The following MMP14 variants were observed in gnomAD, a reference collection of about 807,000 sequenced individuals.
MMP14 encodes matrix metallopeptidase 14.
Under a neutral mutation model 64.8 loss-of-function variants are expected in MMP14, and 13 were observed. The observed-to-expected ratio is 0.20, with a 90% CI of 0.13 to 0.32. The LOEUF is 0.32. Ranked by LOEUF, MMP14 falls within the 10% of genes least tolerant of loss-of-function variation. The pLI is 1.00. For synonymous variants in MMP14, 322 were observed against 315.9 expected (o/e 1.02, Z -0.20); for missense variants, 594 against 783.8 (o/e 0.76, Z 2.89).
At chr14:22,836,949 C>T (rs1264128470) in intron 1 of MMP14, 24 bp downstream of exon 1, 3 of 1,593,096 alleles carry the variant, frequency 1.9e-6, no homozygotes, top group Admixed American at 1.7e-5. Context: ...CCGGCCCTTC[C>T]CGGAGTCGCG....
intron 1 of MMP14, among the ~76,000 whole-genome samples, chr14:22,838,577 G>A (rs17885048): frequency 1.3e-5 from 2 of 152,174 alleles, no homozygotes; most frequent in Non-Finnish European, 2.9e-5. Flanking sequence ...TCTCTCATTC[G>A]CAAAGACAAA....
At position 22,844,636 on chromosome 14, in the gene MMP14, A is replaced by G; in HGVS notation, c.1157A>G (p.Lys386Arg). 6.2e-7 allele frequency: 1 copy of G among 1,614,078 alleles called. No individual in the cohort carries two copies. The highest frequency in any genetic ancestry group is 8.5e-7 in the Non-Finnish European group (1 of 1,180,006). ...DGKFVFFKGDKHWVFDEASLE... is the reference protein window; with the variant it reads ...DGKFVFFKGDRHWVFDEASLE... ...GCCCTCCTGTCCTCCCCAGGAGACA[A>G]GCATTGGGTGTTTGATGAGGCGTCC... Residue 386 changes from lysine to arginine, a missense_variant, in exon 8 of 10, where the codon AAG becomes AGG. Transcript: ENST00000311852.
intron 1 of MMP14, among the ~76,000 whole-genome samples, chr14:22,838,898 G>C (rs2138735862): frequency 6.6e-6 from 1 of 152,280 alleles, no homozygotes; most frequent in South Asian, 2.1e-4. Flanking sequence ...AGGCCTTGCG[G>C]CTCTCTTGAC....
intron 1 of MMP14, 39 bp downstream of exon 1, chr14:22,836,964 C>A (rs1357538116): frequency 1.3e-6 from 2 of 1,545,980 alleles, no homozygotes; most frequent in Admixed American, 1.7e-5. Flanking sequence ...GTCGCGCCCG[C>A]CGGGAGGCGA....
intron 6 of MMP14, 71 bp from the exon 7 acceptor site, chr14:22,844,300 G>A: frequency 6.3e-7 from 1 of 1,591,064 alleles, no homozygotes; most frequent in Non-Finnish European, 8.6e-7. Flanking sequence ...CAGTGCGGGA[G>A]CTTTGGGGAC....
rs2039775794 is a variant in MMP14, at chr14:22,841,922, G to A, written c.267G>A (p.Arg89=). The part of the protein sequence containing the change: ...KADADTMKAM[R]RPRCGVPDKF... Reference sequence around the variant, plus strand: ...CCCAAACCCACTCCAGGGCCATGAGGCGCCCCCGATGTGGTGTTCCAGACA... The same window carrying A: ...CCCAAACCCACTCCAGGGCCATGAGACGCCCCCGATGTGGTGTTCCAGACA... Residue 89 remains arginine, a synonymous_variant, in exon 3 of 10, where the codon AGG becomes AGA. Coordinates refer to ENST00000311852, the MANE Select transcript of MMP14 (RefSeq NM_004995.4). The A allele has an allele frequency of 6.2e-7, 1 of 1,614,170 alleles. No homozygotes were observed. The highest frequency in any genetic ancestry group is 8.5e-7 in the Non-Finnish European group (1 of 1,180,020).
intron 1 of MMP14, among the ~76,000 whole-genome samples, chr14:22,838,869 A>AT (rs1370450344): frequency 6.6e-6 from 1 of 152,214 alleles, no homozygotes; most frequent in Admixed American, 6.5e-5. Flanking sequence ...GAGGAGAGGG[A>AT]TGGGGGCACT....
chr14:22,843,952 T>G lies in MMP14; in HGVS notation c.1011+82T>G. The G allele has an allele frequency of 6.5e-7, 1 of 1,545,970 alleles. No homozygotes were observed. Among genetic ancestry groups the G allele is most frequent in the Non-Finnish European group, 8.7e-7 (1 of 1,145,062 alleles). ...GGCTCATGCCTGTAATCCTAGCACT[T>G]TGAGAGGCCAAGGCAGGTGGATCAC... On this transcript the variant is annotated intron_variant, in intron 6 of 9. Coordinates refer to ENST00000311852, the MANE Select transcript of MMP14 (RefSeq NM_004995.4). This position sits in a 1 kb window ranked among gnomAD's most constrained non-coding sequence, Gnocchi z 4.8.
chr14:22,844,069 C>T (rs891968350), intron 6 of MMP14, among the ~76,000 whole-genome samples, 199 bp downstream of exon 6: 18 of 151,974 alleles, frequency 1.2e-4, no homozygotes, highest in African/African-American at 4.4e-4. Context: ...TGGTGGTGGG[C>T]GCCTATGATC....
Position 22,836,733 on chromosome 14 carries a change from G to A in MMP14, c.-85G>A, listed in dbSNP as rs1190861298. On this transcript the variant is annotated 5_prime_UTR_variant, in exon 1 of 10. Coordinates refer to ENST00000311852, the MANE Select transcript of MMP14 (RefSeq NM_004995.4). ...TTCAGTGCCTACCGAAGACAAAGGC[G>A]CCCCGAGGGAGTGGCGGTGCGACCC... The A allele has an allele frequency of 5.5e-6, 4 of 725,506 alleles. No homozygotes were observed. The African/African-American group carries it at 7.3e-5, about 13-fold the overall frequency. The allele number at this position is 725,506 out of a possible 1,614,324, so 44.9% of individuals were successfully genotyped here.
chr14:22,845,181 C>T lies in MMP14; in HGVS notation c.1302-70C>T, dbSNP rs746337065. The T allele has an allele frequency of 6.7e-5, 77 of 1,143,746 alleles. No individual in the cohort carries two copies. In the African/African-American group the frequency reaches 7.5e-4, roughly 11 times the overall value. The allele number at this position is 1,143,746 out of a possible 1,614,324, so 70.8% of individuals were successfully genotyped here. A position where few individuals can be genotyped will look rare whatever the true frequency, so the allele number is the denominator to read the frequency against. On this transcript the variant is annotated intron_variant, in intron 8 of 9. Coordinates refer to ENST00000311852, the MANE Select transcript of MMP14 (RefSeq NM_004995.4). ...GCTATCCTTTGCCCACTGGTGGATT[C>T]GGTCCGGGTCTTGCGCCTCCTGAGG...
chr14:22,845,965 G>GTCT lies in MMP14; in HGVS notation c.1684_1686dup (p.Phe562dup). On this transcript the variant is annotated inframe_insertion, in exon 10 of 10. Coordinates refer to ENST00000311852, the MANE Select transcript of MMP14 (RefSeq NM_004995.4). ...CCTGGTGCTGGCGGTGGGCCTTGCA[G>GTCT]TCTTCTTCTTCAGACGCCATGGGAC... is the stretch of plus-strand genomic sequence containing the variant. 1.9e-6 allele frequency: 3 copies of GTCT among 1,578,740 alleles called. No homozygotes were observed. The highest frequency in any genetic ancestry group is 2.6e-6 in the Non-Finnish European group (3 of 1,161,074).
At chr14:22,837,052 T>C (rs2039738503) in intron 1 of MMP14, 127 bp downstream of exon 1, 1 of 743,236 alleles carries the variant, frequency 1.3e-6, no homozygotes, top group African/African-American at 1.7e-5. Context: ...GCCTGCAGGA[T>C]TCCCCCTCCC....
chr14:22,844,815 C>G, intron 8 of MMP14, 35 bp downstream of exon 8: 1 of 1,612,462 alleles, frequency 6.2e-7, no homozygotes, highest in Non-Finnish European at 8.5e-7. Context: ...AGGCCTCCCT[C>G]AGAAACCACC....
chr14:22,837,097 C>T, intron 1 of MMP14, 172 bp downstream of exon 1: 1 of 701,258 alleles, frequency 1.4e-6, no homozygotes, highest in South Asian at 1.5e-5. Context: ...ACTTCCAGAT[C>T]GATCCAACTT....
At chr14:22,836,978 CG>C (rs1471953383) in intron 1 of MMP14, 53 bp downstream of exon 1, 4 of 1,420,280 alleles carry the variant, frequency 2.8e-6, no homozygotes, top group Admixed American at 3.7e-5. Context: ...GAGGCGAGCC[CG>C]GGGGTCTCCT....
At position 22,843,485 on chromosome 14, in the gene MMP14, C is replaced by G. The variant is rs978988695; in HGVS notation, c.850+67C>G. 6.4e-7 allele frequency: 1 copy of G among 1,558,776 alleles called. No homozygotes were observed. The highest frequency in any genetic ancestry group is 8.7e-7 in the Non-Finnish European group (1 of 1,146,694). On this transcript the variant is annotated intron_variant, in intron 5 of 9. Transcript: ENST00000311852. The surrounding 1 kb of genome is among the most constrained non-coding windows in gnomAD (Gnocchi z 4.8). The stretch of plus-strand genomic sequence containing the variant: ...TGTTCCCTCCTGGTCTACGCATTTC[C>G]CCTCTTTTATGCCTTGCAGTCTCCG...
intron 6 of MMP14, among the ~76,000 whole-genome samples, 195 bp downstream of exon 6, chr14:22,844,065 T>C (rs576387699): frequency 1.3e-5 from 2 of 151,878 alleles, no homozygotes; most frequent in African/African-American, 4.8e-5. Context: ...AGTGTGGTGG[T>C]GGGCGCCTAT....
Position 22,842,472 on chromosome 14 carries a change from T to A in MMP14, c.443T>A (p.Phe148Tyr). The change falls in exon 4 of 10, where the codon TTC (phenylalanine) becomes TAC (tyrosine). Residue 148 changes from phenylalanine to tyrosine, a missense_variant. By Grantham distance (22) the Phe-to-Tyr change is conservative (BLOSUM62 3). Coordinates refer to ENST00000311852, the MANE Select transcript of MMP14 (RefSeq NM_004995.4). This position sits in a 1 kb window ranked among gnomAD's most constrained non-coding sequence, Gnocchi z 5.3. ...ACATACGAGGCCATTCGCAAGGCGTTCCGCGTGTGGGAGAGTGCCACACCA... is the reference window on the plus strand; with the variant it reads ...ACATACGAGGCCATTCGCAAGGCGTACCGCGTGTGGGAGAGTGCCACACCA... The part of the protein sequence containing the change: ...YATYEAIRKA[F>Y]RVWESATPLR... 1 of 1,614,144 alleles carries A rather than the reference T, an allele frequency of 6.2e-7. No individual in the cohort carries two copies. The highest frequency in any genetic ancestry group is 8.5e-7 in the Non-Finnish European group (1 of 1,180,010).
Sources: gnomAD v4.1 joint callset for allele counts (sites outside exome capture counted in the v4.1 genomes callset) on GRCh38, gnomAD v4.1.1 for gene constraint, Gnocchi (gnomAD v3.1) non-coding constraint, MANE v1.5 for transcripts, NCBI Gene and HGNC (gene_info 2026-07-23, HGNC 2026-07-21) for gene names.